The following TPRA1 variants were observed in gnomAD, a reference collection of about 807,000 sequenced individuals.
TPRA1 encodes the protein transmembrane protein adipocyte-associated 1.
A neutral mutation model predicts 40.1 loss-of-function variants in TPRA1; 28 were observed. The ratio of observed to expected loss-of-function variants is 0.70; its 90% CI spans 0.52 to 0.96. TPRA1 has a LOEUF of 0.96. Ranked by LOEUF, TPRA1 falls within the 40% of genes least tolerant of loss-of-function variation. TPRA1 has a pLI of 0.00. For missense variants in TPRA1, 441 were observed against 482.6 expected (o/e 0.91, Z 0.81); for synonymous variants, 219 against 209.7 (o/e 1.04, Z -0.38).
chr3:127,574,959 C>T, intron 10 of TPRA1: 1 of 585,700 alleles, frequency 1.7e-6, no homozygotes. Context: ...CTTGTGCATC[C>T]GTGTGTGCAT....
intron 3 of TPRA1, among the ~76,000 whole-genome samples, chr3:127,578,710 C>G (rs1314296379): frequency 6.6e-6 from 1 of 152,202 alleles, no homozygotes; most frequent in Non-Finnish European, 1.5e-5. Flanking sequence ...TGAGGGACAT[C>G]AGGCCACTAC....
chr3:127,587,530 T>C (rs1169455563), intron 1 of TPRA1, among the ~76,000 whole-genome samples: 1 of 152,130 alleles, frequency 6.6e-6, no homozygotes, highest in Non-Finnish European at 1.5e-5. Context: ...GCCACGTGCT[T>C]GCTGTGTGAC....
intron 1 of TPRA1, among the ~76,000 whole-genome samples, chr3:127,587,747 G>A (rs1481740275): frequency 6.6e-6 from 1 of 150,840 alleles, no homozygotes; most frequent in Non-Finnish European, 1.5e-5. Context: ...CGCGATGTCG[G>A]CTCACTGCAA....
chr3:127,584,977 G>A (rs1412176258), intron 1 of TPRA1, among the ~76,000 whole-genome samples: 4 of 152,244 alleles, frequency 2.6e-5, no homozygotes, highest in African/African-American at 7.2e-5. Flanking sequence ...AACCCTGTAC[G>A]AGGGTAACAG....
rs2107615082 is a variant in TPRA1, at chr3:127,573,516, T to C, written c.*5A>G. 1 of 1,608,418 alleles carries C rather than the reference T, an allele frequency of 6.2e-7. No individual in the cohort carries two copies. Among genetic ancestry groups the C allele is most frequent in the Non-Finnish European group, 8.5e-7 (1 of 1,177,310 alleles). On this transcript the variant is annotated 3_prime_UTR_variant, in exon 11 of 11. Coordinates refer to ENST00000355552, the MANE Select transcript of TPRA1 (RefSeq NM_001136053.4). ...CCTGTCCTCCACAGGCCCTGGCAGC[T>C]GCCCTCAGGCATTGATGGCCTTCCA...
chr3:127,593,060 TTCTTC>T (rs1186445895), upstream of TPRA1, among the ~76,000 whole-genome samples: 4 of 152,350 alleles, frequency 2.6e-5, no homozygotes, highest in South Asian at 2.1e-4. Flanking sequence ...ATTCTGCATT[TTCTTC>T]TCTTGAGTTT....
chr3:127,574,029 G>A (rs1300587081), intron 10 of TPRA1, among the ~76,000 whole-genome samples: 1 of 152,218 alleles, frequency 6.6e-6, no homozygotes, highest in Non-Finnish European at 1.5e-5. Flanking sequence ...TCCTCATGGT[G>A]AAATGGGTGT....
intron 1 of TPRA1, chr3:127,595,759 C>T (rs1407329065): frequency 6.6e-6 from 1 of 152,238 alleles, no homozygotes; most frequent in Admixed American, 6.5e-5. Flanking sequence ...TATGGCCTCT[C>T]TCTCTTGTTC....
chr3:127,587,157 A>G (rs1241943497), intron 1 of TPRA1: 2 of 152,232 alleles, frequency 1.3e-5, no homozygotes, highest in East Asian at 3.8e-4. Context: ...ATAAATTATT[A>G]GAGCAAAAGT....
In TPRA1 at chr3:127,575,734, C is replaced by T. The variant is rs756512364; in HGVS notation, c.670+15G>A. On this transcript the variant is annotated intron_variant, in intron 8 of 10. Coordinates refer to ENST00000355552, the MANE Select transcript of TPRA1 (RefSeq NM_001136053.4). ...CCATCCCCGCCTGTCCCAGAGCCGC[C>T]GGCCAGCTGCTCACAAGGCAGGGAG... 26 of 1,612,980 alleles carry T rather than the reference C, an allele frequency of 1.6e-5. No individual in the cohort carries two copies. In the Admixed American group the frequency reaches 2.5e-4, roughly 16 times the overall value.
chr3:127,586,583 T>C (rs1053085961), intron 1 of TPRA1, among the ~76,000 whole-genome samples: 2 of 152,224 alleles, frequency 1.3e-5, no homozygotes, highest in African/African-American at 4.8e-5. Context: ...GGTCTAGAAC[T>C]CTGGACCTCA....
chr3:127,590,167 C>T (rs1369192444), intron 1 of TPRA1, among the ~76,000 whole-genome samples: 1 of 152,180 alleles, frequency 6.6e-6, no homozygotes, highest in Non-Finnish European at 1.5e-5. Context: ...CGTGCGGCTC[C>T]CTCCCGGGCC....
rs888506921 is a variant in TPRA1, at chr3:127,590,612, C to G, written c.-220G>C. The G allele has an allele frequency of 6.6e-6, 1 of 152,190 alleles. No individual in the cohort carries two copies. Among genetic ancestry groups the G allele is most frequent in the African/African-American group, 2.4e-5 (1 of 41,468 alleles). 9.4% of individuals were successfully genotyped at this position (152,190 alleles called of 1,614,324 possible). ...TGAGGGCTAGGCAGGAAAGGCGAGG[C>G]GGGGTCAGCTCGCCGGGCCGCGGGT... is the stretch of plus-strand genomic sequence containing the variant. On this transcript the variant is annotated 5_prime_UTR_variant, in exon 1 of 11. Coordinates refer to ENST00000355552, the MANE Select transcript of TPRA1 (RefSeq NM_001136053.4).
At chr3:127,597,867 G>C (rs2074261753) in intron 1 of TPRA1, 1 of 156,930 alleles carries the variant, frequency 6.4e-6, no homozygotes, top group Admixed American at 6.2e-5. Flanking sequence ...GAGTGCAGTG[G>C]CGGGATCTCG....
chr3:127,593,630 A>T (rs149409849), upstream of TPRA1, among the ~76,000 whole-genome samples: 24 of 152,228 alleles, frequency 1.6e-4, no homozygotes, highest in African/African-American at 5.8e-4. Flanking sequence ...AATGGCGGAG[A>T]CTGGTGCCAC....
At chr3:127,582,283 C>T (rs1286360821) in intron 1 of TPRA1, among the ~76,000 whole-genome samples, 1 of 152,158 alleles carries the variant, frequency 6.6e-6, no homozygotes, top group Non-Finnish European at 1.5e-5. Context: ...ACAGTAAGGA[C>T]AGCAGGGTGT....
upstream of TPRA1, chr3:127,595,491 A>AC (rs2107679586): frequency 6.6e-6 from 1 of 152,414 alleles, no homozygotes; most frequent in East Asian, 1.9e-4. Context: ...CTCCAGACAC[A>AC]CCGGCCAGCC....
At chr3:127,590,289 C>G (rs561787829) in intron 1 of TPRA1, 121 bp downstream of exon 1, 1 of 152,280 alleles carries the variant, frequency 6.6e-6, no homozygotes, top group Non-Finnish European at 1.5e-5. Context: ...GAGCTGCGCC[C>G]GAGCGGAAAT....
At chr3:127,593,521 G>A (rs79252679), upstream of TPRA1, among the ~76,000 whole-genome samples, 1,382 of 152,152 alleles carry the variant, frequency 9.1e-3, 20 homozygotes, top group African/African-American at 0.029. Context: ...TGAGAGTGAT[G>A]GTAGTAAAAG....
Sources: gnomAD v4.1 joint callset for allele counts (sites outside exome capture counted in the v4.1 genomes callset) on GRCh38, gnomAD v4.1.1 for gene constraint, MANE v1.5 for transcripts, NCBI Gene and HGNC (gene_info 2026-07-23, HGNC 2026-07-21) for gene names.